The following SH3GL3 variants were observed in gnomAD, a reference collection of about 807,000 sequenced individuals.
SH3GL3 encodes the protein endophilin-A3.
SH3GL3 carries 33 observed loss-of-function variants against 47.7 expected under a neutral mutation model. That is an observed-to-expected ratio of 0.69 (90% confidence interval 0.52 to 0.92). SH3GL3 has a LOEUF of 0.92. SH3GL3 is among the 40% of genes least tolerant of loss of function. The probability of loss-of-function intolerance (pLI) is 0.00; values close to 1 mark genes in which losing one functional copy is unlikely to be tolerated. For synonymous variants in SH3GL3, 155 were observed against 148.8 expected, an observed-to-expected ratio of 1.04 and a Z score of -0.30; for missense variants, 363 against 417.8, an observed-to-expected ratio of 0.87 and a Z score of 1.14.
intron 8 of SH3GL3, among the ~76,000 whole-genome samples, chr15:83,610,354 T>C (rs764629010): frequency 1.3e-5 from 2 of 151,950 alleles, no homozygotes; most frequent in Non-Finnish European, 2.9e-5. Flanking sequence ...CTGGGCAACA[T>C]AGTGAGACCC....
At chr15:83,464,631 G>T (rs2040476517) in intron 1 of SH3GL3, among the ~76,000 whole-genome samples, 1 of 152,084 alleles carries the variant, frequency 6.6e-6, no homozygotes. Context: ...ACAAACCAAA[G>T]TAAAACAAAA....
intron 1 of SH3GL3, among the ~76,000 whole-genome samples, chr15:83,549,480 G>T (rs931020674): frequency 1.3e-5 from 2 of 152,144 alleles, no homozygotes; most frequent in African/African-American, 4.8e-5. Context: ...CCCCTTGCTT[G>T]CTTTTACTCC....
downstream of SH3GL3, among the ~76,000 whole-genome samples, chr15:83,622,473 G>A (rs775664947): frequency 6.6e-6 from 1 of 152,224 alleles, no homozygotes; most frequent in Non-Finnish European, 1.5e-5. Flanking sequence ...CATAGTAAGT[G>A]AAGTTTATTG....
At chr15:83,586,830 A>G (rs973805790) in intron 6 of SH3GL3, among the ~76,000 whole-genome samples, 153 bp from the exon 7 acceptor site, 2 of 152,228 alleles carry the variant, frequency 1.3e-5, no homozygotes, top group Non-Finnish European at 2.9e-5. Context: ...CTGTATGATT[A>G]TTATACAGAG....
chr15:83,484,935 C>T (rs2041527601), intron 1 of SH3GL3, among the ~76,000 whole-genome samples: 1 of 152,166 alleles, frequency 6.6e-6, no homozygotes, highest in Non-Finnish European at 1.5e-5. Context: ...GTTTTAAAGT[C>T]ACAAGTGTTT....
At chr15:83,469,275 C>G (rs1385374015) in intron 1 of SH3GL3, among the ~76,000 whole-genome samples, 3 of 152,006 alleles carry the variant, frequency 2.0e-5, no homozygotes, top group Non-Finnish European at 4.4e-5. Context: ...AAAGAACTAG[C>G]CCTTTGTTTT....
At chr15:83,563,440 A>G (rs1376283642) in intron 2 of SH3GL3, among the ~76,000 whole-genome samples, 2 of 152,204 alleles carry the variant, frequency 1.3e-5, no homozygotes, top group Non-Finnish European at 2.9e-5. Context: ...ATTAATAAGC[A>G]CTTCTCCCTT....
chr15:83,591,410 A>G (rs2060093264), intron 8 of SH3GL3, among the ~76,000 whole-genome samples: 1 of 151,506 alleles, frequency 6.6e-6, no homozygotes. Flanking sequence ...CCTTTCAAAC[A>G]CACATTGCTC....
At chr15:83,577,775 T>C (rs571153800) in intron 6 of SH3GL3, among the ~76,000 whole-genome samples, 1 of 152,316 alleles carries the variant, frequency 6.6e-6, no homozygotes, top group East Asian at 1.9e-4. Context: ...CTAAGTAGAC[T>C]GGCTTTTGTA....
intron 4 of SH3GL3, among the ~76,000 whole-genome samples, chr15:83,570,560 T>C (rs2045766747): frequency 6.6e-6 from 1 of 152,210 alleles, no homozygotes; most frequent in Non-Finnish European, 1.5e-5. Flanking sequence ...AATTAATACA[T>C]TAAATTGAGG....
In SH3GL3 at chr15:83,523,815, A is replaced by G. The variant is rs889813111; in HGVS notation, c.46-35438A>G. The stretch of plus-strand genomic sequence containing the variant: ...GTGGTCTGGTCTCCAAAAACAAATG[A>G]ATGTGTGAAATCAGTGAGGATTCTT... On this transcript the variant is annotated intron_variant, in intron 1 of 8. Coordinates refer to ENST00000427482, the MANE Select transcript of SH3GL3 (RefSeq NM_003027.5). Among the ~76,000 whole-genome samples, 3 of 152,026 alleles carry G rather than the reference A, an allele frequency of 2.0e-5. No individual in the cohort carries two copies. In the South Asian group the frequency reaches 6.2e-4, roughly 32 times the overall value.
At chr15:83,516,498 G>T (rs2042985511) in intron 1 of SH3GL3, among the ~76,000 whole-genome samples, 1 of 152,146 alleles carries the variant, frequency 6.6e-6, no homozygotes, top group Non-Finnish European at 1.5e-5. Context: ...TCATGGTTCT[G>T]CAGGCTGTAC....
chr15:83,555,023 A>C (rs948587422), intron 1 of SH3GL3, among the ~76,000 whole-genome samples: 4 of 151,958 alleles, frequency 2.6e-5, no homozygotes, highest in African/African-American at 9.7e-5. Flanking sequence ...TCTCTCACTT[A>C]TCCTTCATAT....
intron 1 of SH3GL3, among the ~76,000 whole-genome samples, chr15:83,489,484 G>A (rs1474944734): frequency 6.6e-6 from 1 of 152,130 alleles, no homozygotes; most frequent in Non-Finnish European, 1.5e-5. Context: ...ACCTCCCGTG[G>A]GAACTGTTAC....
chr15:83,574,466 C>A (rs920774219), intron 5 of SH3GL3, among the ~76,000 whole-genome samples: 21 of 152,130 alleles, frequency 1.4e-4, no homozygotes, highest in Non-Finnish European at 2.8e-4. Flanking sequence ...CATCCATCGT[C>A]CTCTCTGGTG....
chr15:83,461,718 T>C (rs1331976903), intron 1 of SH3GL3, among the ~76,000 whole-genome samples: 1 of 152,192 alleles, frequency 6.6e-6, no homozygotes, highest in African/African-American at 2.4e-5. Context: ...AGACATCATA[T>C]TTAAAAATTC....
chr15:83,614,676 T>C (rs2151850090), intron 8 of SH3GL3, among the ~76,000 whole-genome samples: 1 of 152,260 alleles, frequency 6.6e-6, no homozygotes, highest in Non-Finnish European at 1.5e-5. Context: ...ACCACTGCCA[T>C]AGGAAGGCAA....
intron 8 of SH3GL3, among the ~76,000 whole-genome samples, chr15:83,615,941 A>G (rs1209916596): frequency 6.6e-6 from 1 of 152,194 alleles, no homozygotes; most frequent in Non-Finnish European, 1.5e-5. Context: ...AGGACTGTGG[A>G]GAATAAACCA....
At chr15:83,499,865 G>T (rs79445651) in intron 1 of SH3GL3, among the ~76,000 whole-genome samples, 2,822 of 152,282 alleles carry the variant, frequency 0.019, 75 homozygotes, top group African/African-American at 0.061. Context: ...CACAGAATGA[G>T]GAGATCTGAA....
Sources: allele counts gnomAD v4.1 joint callset (sites outside exome capture counted in the v4.1 genomes callset), GRCh38; gene constraint gnomAD v4.1.1; transcripts MANE v1.5; gene names NCBI Gene and HGNC (gene_info 2026-07-23, HGNC 2026-07-21).